The following TRAPPC9 variants were observed in gnomAD, a reference collection of about 807,000 sequenced individuals.
TRAPPC9 encodes trafficking protein particle complex subunit 9.
A neutral mutation model predicts 124.0 loss-of-function variants in TRAPPC9; 83 were observed. The ratio of observed to expected loss-of-function variants is 0.67; its 90% CI spans 0.56 to 0.80. TRAPPC9 has a LOEUF of 0.80. Among genes scored for constraint, TRAPPC9 ranks in the 30% least tolerant of loss-of-function variants. The pLI, the probability that TRAPPC9 is intolerant of heterozygous loss-of-function variation, is 0.00. For missense variants in TRAPPC9, 1,302 were observed against 1,508.3 expected (o/e 0.86, Z 2.27); for synonymous variants, 638 against 617.5 (o/e 1.03, Z -0.49).
chr8:139,928,802 G>A (rs1177173681), intron 19 of TRAPPC9, among the ~76,000 whole-genome samples: 3 of 151,094 alleles, frequency 2.0e-5, no homozygotes, highest in Non-Finnish European at 2.9e-5. Context: ...GGCGCTCACA[G>A]GGTCTTGTCT....
At chr8:140,267,077 G>C (rs539412668) in intron 15 of TRAPPC9, among the ~76,000 whole-genome samples, 1 of 98,512 alleles carries the variant, frequency 1.0e-5, no homozygotes, top group Admixed American at 1.1e-4. Context: ...TCAGGAAAGC[G>C]AAGATGAGAG....
intron 17 of TRAPPC9, among the ~76,000 whole-genome samples, chr8:140,062,097 A>T (rs1360973343): frequency 6.6e-6 from 1 of 152,188 alleles, no homozygotes; most frequent in African/African-American, 2.4e-5. Flanking sequence ...GGAAAAAGGC[A>T]ACACCTTCCA....
Position 140,435,177 on chromosome 8 carries a change from T to C in TRAPPC9, c.794A>G (p.Lys265Arg), listed in dbSNP as rs2070771161. The change falls in exon 4 of 23, where the codon AAG becomes AGG. Residue 265 changes from lysine (K) to arginine (R), a missense_variant. Around this residue, in one of 3 missense-constraint regions of TRAPPC9, gnomAD observed 657 missense variants for 811.2 expected, o/e 0.81. Transcript: ENST00000438773. The part of the protein sequence containing the change: ...IYHYPGGTGG[K>R]SGARRFQGST... The stretch of plus-strand genomic sequence containing the variant: ...GCCCTGGAACCTCCGAGCTCCACTC[T>C]TCCCACCAGTTCCACCAGGATAGTG... The C allele has an allele frequency of 3.1e-6, 5 of 1,613,982 alleles. No individual in the cohort carries two copies. The highest frequency in any genetic ancestry group is 4.2e-6 in the Non-Finnish European group (5 of 1,179,940).
intron 7 of TRAPPC9, among the ~76,000 whole-genome samples, chr8:140,380,654 C>CAAA (rs563391017): frequency 2.7e-4 from 13 of 48,594 alleles, no homozygotes; most frequent in Admixed American, 8.0e-4. Context: ...GACTCTGTCT[C>CAAA]AAAAAAAAAA....
At chr8:140,272,863 C>A (rs1295497018) in intron 15 of TRAPPC9, among the ~76,000 whole-genome samples, 1 of 149,714 alleles carries the variant, frequency 6.7e-6, no homozygotes, top group African/African-American at 2.5e-5. Context: ...GACCCAAAAC[C>A]CCCCACCAGA....
intron 17 of TRAPPC9, among the ~76,000 whole-genome samples, chr8:140,112,962 C>T (rs1238456480): frequency 6.6e-6 from 1 of 151,812 alleles, no homozygotes; most frequent in African/African-American, 2.4e-5. Flanking sequence ...ACCTCAGCCT[C>T]CTGAGTAGCT....
intron 21 of TRAPPC9, among the ~76,000 whole-genome samples, chr8:139,851,827 G>A (rs1038210229): frequency 9.9e-5 from 15 of 152,212 alleles, no homozygotes; most frequent in Non-Finnish European, 1.8e-4. Flanking sequence ...ATTCAGTCAC[G>A]CACAGTCTCC....
At chr8:140,285,498 G>T (rs537697732) in intron 13 of TRAPPC9, among the ~76,000 whole-genome samples, 1 of 152,236 alleles carries the variant, frequency 6.6e-6, no homozygotes, top group South Asian at 2.1e-4. Context: ...TAACGCAGCA[G>T]CCCCAATGCC....
intron 19 of TRAPPC9, among the ~76,000 whole-genome samples, chr8:139,980,692 C>G (rs150204015): frequency 6.6e-6 from 1 of 152,240 alleles, no homozygotes; most frequent in Non-Finnish European, 1.5e-5. Context: ...TGCCCAGGCA[C>G]GCGAAGCCAG....
intron 16 of TRAPPC9, among the ~76,000 whole-genome samples, chr8:140,225,725 T>C (rs2063435781): frequency 6.6e-6 from 1 of 152,156 alleles, no homozygotes; most frequent in Admixed American, 6.5e-5. Context: ...CGTCCTCTGT[T>C]GAGTGAAGGC....
At chr8:140,291,148 A>C in intron 11 of TRAPPC9, 70 bp from the exon 12 acceptor site, 1 of 1,403,422 alleles carries the variant, frequency 7.1e-7, no homozygotes, top group Non-Finnish European at 1.0e-6. Context: ...CATGGTTTCC[A>C]ATTATTCCTC....
At chr8:140,193,225 G>A (rs1398728626) in intron 17 of TRAPPC9, among the ~76,000 whole-genome samples, 3 of 152,194 alleles carry the variant, frequency 2.0e-5, no homozygotes, top group African/African-American at 7.2e-5. Context: ...AATCTAAAAT[G>A]TGAAAATGTG....
At chr8:140,171,329 AAAG>A (rs1391832420) in intron 17 of TRAPPC9, among the ~76,000 whole-genome samples, 1 of 152,240 alleles carries the variant, frequency 6.6e-6, no homozygotes, top group Non-Finnish European at 1.5e-5. Context: ...TACTCTTTTA[AAAG>A]AAGAAACAAT....
intron 18 of TRAPPC9, among the ~76,000 whole-genome samples, chr8:140,018,531 G>A (rs995928915): frequency 6.6e-5 from 10 of 151,430 alleles, no homozygotes; most frequent in Non-Finnish European, 1.0e-4. Flanking sequence ...GTTTCACCGT[G>A]TTAGCCAGGA....
At chr8:140,188,887 G>A (rs759983933) in intron 17 of TRAPPC9, among the ~76,000 whole-genome samples, 23 of 152,134 alleles carry the variant, frequency 1.5e-4, no homozygotes, top group Non-Finnish European at 3.1e-4. Context: ...AATTGACTTC[G>A]TTAGTAGCAC....
intron 22 of TRAPPC9, among the ~76,000 whole-genome samples, chr8:139,731,621 C>G (rs570627847): frequency 1.1e-4 from 17 of 152,060 alleles, no homozygotes; most frequent in Non-Finnish European, 2.2e-4. Context: ...AGGGCTGGAG[C>G]CTTTCCGTGG....
intron 17 of TRAPPC9, among the ~76,000 whole-genome samples, chr8:140,164,740 C>A (rs2061805099): frequency 1.3e-5 from 2 of 152,196 alleles, no homozygotes; most frequent in Admixed American, 1.3e-4. Context: ...TGCCACTCTT[C>A]CCTCCATCCA....
chr8:139,874,734 G>A (rs1025474584), intron 21 of TRAPPC9, among the ~76,000 whole-genome samples: 14 of 152,144 alleles, frequency 9.2e-5, no homozygotes, highest in African/African-American at 2.7e-4. Flanking sequence ...GGCAGTGGGG[G>A]GCCTTCTGAG....
At chr8:140,312,279 C>G (rs1260636766) in intron 9 of TRAPPC9, among the ~76,000 whole-genome samples, 2 of 152,160 alleles carry the variant, frequency 1.3e-5, no homozygotes, top group Non-Finnish European at 2.9e-5. Flanking sequence ...ATGGGGAAGA[C>G]AGAGGACTTG....
Sources: allele counts gnomAD v4.1 joint callset (sites outside exome capture counted in the v4.1 genomes callset), GRCh38; gene constraint gnomAD v4.1.1; regional missense constraint gnomAD v4.1.1; transcripts MANE v1.5; gene names NCBI Gene and HGNC (gene_info 2026-07-23, HGNC 2026-07-21).